The following CADM1 variants were observed in gnomAD, a reference collection of about 807,000 sequenced individuals.
CADM1 encodes the protein cell adhesion molecule 1.
In CADM1, 15 loss-of-function variants were observed where a neutral mutation model predicts 53.1. The observed-to-expected ratio is 0.28, with a 90% CI of 0.19 to 0.44. The LOEUF (loss-of-function observed/expected upper bound fraction) is 0.44. Among genes scored for constraint, CADM1 ranks in the 20% least tolerant of loss-of-function variants. The pLI, the probability that CADM1 is intolerant of heterozygous loss-of-function variation, is 1.00. For missense variants in CADM1, 434 were observed against 611.3 expected (o/e 0.71, Z 3.06); for synonymous variants, 281 against 243.0 (o/e 1.16, Z -1.45).
chr11:115,216,921 G>A (rs1403214252), intron 6 of CADM1, among the ~76,000 whole-genome samples: 1 of 152,164 alleles, frequency 6.6e-6, no homozygotes. Flanking sequence ...TATGAAAACT[G>A]TGATGACGCT....
chr11:115,491,843 A>G (rs1178111138), intron 1 of CADM1, among the ~76,000 whole-genome samples: 1 of 152,218 alleles, frequency 6.6e-6, no homozygotes, highest in East Asian at 1.9e-4. Flanking sequence ...GGAGCAACCT[A>G]TCACAAAGAC....
intron 1 of CADM1, among the ~76,000 whole-genome samples, chr11:115,384,281 C>T (rs1256572724): frequency 1.3e-5 from 2 of 152,140 alleles, no homozygotes; most frequent in Non-Finnish European, 2.9e-5. Flanking sequence ...GCCCTGAGTG[C>T]ACACTATAGC....
chr11:115,229,364 T>A (rs2134844686), intron 4 of CADM1, 93 bp from the exon 5 acceptor site: 1 of 1,161,148 alleles, frequency 8.6e-7, no homozygotes, highest in South Asian at 1.2e-5. Flanking sequence ...AACCCCAACA[T>A]TGCTATTTTA....
chr11:115,361,514 G>T (rs1389405849), intron 1 of CADM1, among the ~76,000 whole-genome samples: 1 of 152,140 alleles, frequency 6.6e-6, no homozygotes, highest in Non-Finnish European at 1.5e-5. Context: ...ACCCTGAATG[G>T]TGTATACAAG....
chr11:115,190,025 A>G (rs1213116232), intron 10 of CADM1, among the ~76,000 whole-genome samples: 1 of 152,202 alleles, frequency 6.6e-6, no homozygotes, highest in Admixed American at 6.5e-5. Flanking sequence ...GAGCTTCAGT[A>G]AAAGCGCCTC....
chr11:115,376,580 G>A (rs1365327658), intron 1 of CADM1, among the ~76,000 whole-genome samples: 4 of 152,114 alleles, frequency 2.6e-5, no homozygotes, highest in African/African-American at 9.7e-5. Flanking sequence ...GTTTCAAGAT[G>A]AAAAAATAAA....
chr11:115,227,679 C>T (rs1941662792), intron 5 of CADM1, among the ~76,000 whole-genome samples: 1 of 152,128 alleles, frequency 6.6e-6, no homozygotes, highest in African/African-American at 2.4e-5. Context: ...AAATTATAAG[C>T]ATGATGCCCA....
intron 1 of CADM1, among the ~76,000 whole-genome samples, chr11:115,425,415 C>T (rs771059394): frequency 1.3e-5 from 2 of 152,200 alleles, no homozygotes; most frequent in Non-Finnish European, 2.9e-5. Flanking sequence ...AACAGGCTAG[C>T]GTAATAAGTT....
intron 4 of CADM1, 90 bp from the exon 5 acceptor site, chr11:115,229,361 A>C: frequency 2.6e-6 from 3 of 1,170,376 alleles, no homozygotes; most frequent in Non-Finnish European, 3.8e-6. Context: ...TCTAACCCCA[A>C]CATTGCTATT....
intron 1 of CADM1, among the ~76,000 whole-genome samples, chr11:115,469,861 G>A (rs772226146): frequency 3.3e-5 from 5 of 151,826 alleles, no homozygotes; most frequent in Non-Finnish European, 5.9e-5. Context: ...TAGTAGAGAC[G>A]GGCTTTCGCC....
At chr11:115,484,893 G>A (rs533364802) in intron 1 of CADM1, among the ~76,000 whole-genome samples, 95 of 151,366 alleles carry the variant, frequency 6.3e-4, no homozygotes, top group African/African-American at 2.0e-3. Context: ...CTTGCAGTAA[G>A]CCGAGATTAT....
At chr11:115,466,846 T>C (rs1204080332) in intron 1 of CADM1, among the ~76,000 whole-genome samples, 3 of 152,276 alleles carry the variant, frequency 2.0e-5, no homozygotes, top group East Asian at 3.9e-4. Flanking sequence ...GGAAAATCAA[T>C]TGAATCGTAG....
At chr11:115,355,494 C>G (rs139963550) in intron 1 of CADM1, among the ~76,000 whole-genome samples, 1 of 151,858 alleles carries the variant, frequency 6.6e-6, no homozygotes. Context: ...GGCTGAGGAT[C>G]GGAAAAAATA....
chr11:115,297,038 C>A (rs1418044006), intron 1 of CADM1, among the ~76,000 whole-genome samples: 1 of 152,210 alleles, frequency 6.6e-6, no homozygotes, highest in African/African-American at 2.4e-5. Flanking sequence ...TCTTTTGTAT[C>A]CAGTAAATAT....
intron 1 of CADM1, among the ~76,000 whole-genome samples, chr11:115,449,691 C>A (rs1948529037): frequency 6.6e-6 from 1 of 152,184 alleles, no homozygotes; most frequent in South Asian, 2.1e-4. Context: ...CATTTCCCGA[C>A]AATGCCACCG....
In CADM1 at chr11:115,174,200, C is replaced by T. The variant is rs1938907825; in HGVS notation, c.*2274G>A. The T allele has an allele frequency of 1.0e-6, 1 of 985,206 alleles. No individual in the cohort carries two copies. 61.0% of individuals were successfully genotyped at this position (985,206 alleles called of 1,614,324 possible). ...ACATCAGGAACACTGCACTACTGTA[C>T]ACTTTTCAAAACAGAAAGATGGGAG... On this transcript the variant is annotated 3_prime_UTR_variant, in exon 12 of 12. Transcript: ENST00000331581.
At chr11:115,440,292 T>C (rs1181849187) in intron 1 of CADM1, among the ~76,000 whole-genome samples, 5 of 152,222 alleles carry the variant, frequency 3.3e-5, no homozygotes, top group Admixed American at 3.3e-4. Flanking sequence ...TTACCACACG[T>C]GATAAACTGT....
At position 115,175,083 on chromosome 11, in the gene CADM1, G is replaced by GT; in HGVS notation, c.*1390dup. The GT allele has an allele frequency of 1.0e-6, 1 of 985,858 alleles. No homozygotes were observed. Among genetic ancestry groups the GT allele is most frequent in the Non-Finnish European group, 1.2e-6 (1 of 829,932 alleles). 61.1% of individuals were successfully genotyped at this position (985,858 alleles called of 1,614,324 possible). On this transcript the variant is annotated 3_prime_UTR_variant, in exon 12 of 12. Transcript: ENST00000331581. The stretch of plus-strand genomic sequence containing the variant: ...GCTGAGGAAAGAGGCCAAGGCTAGT[G>GT]TATGAAAGGTAAAAAGATAAAAACA...
chr11:115,325,240 C>T (rs1462801477), intron 1 of CADM1, among the ~76,000 whole-genome samples: 2 of 152,168 alleles, frequency 1.3e-5, no homozygotes, highest in Non-Finnish European at 2.9e-5. Context: ...TGCTCCCGAT[C>T]TTTCAGGCCT....
Sources: allele counts gnomAD v4.1 joint callset (sites outside exome capture counted in the v4.1 genomes callset), GRCh38; gene constraint gnomAD v4.1.1; transcripts MANE v1.5; gene names NCBI Gene and HGNC (gene_info 2026-07-23, HGNC 2026-07-21).